Variants in ALCAM observed in about 807,000 individuals in gnomAD.
ALCAM encodes CD166 antigen.
A neutral mutation model predicts 70.9 loss-of-function variants in ALCAM; 30 were observed. The ratio of observed to expected loss-of-function variants is 0.42; its 90% confidence interval spans 0.32 to 0.57. ALCAM has a LOEUF of 0.57. Ranked by LOEUF, ALCAM falls within the 20% of genes least tolerant of loss-of-function variation. The probability of loss-of-function intolerance (pLI) is 0.11; values close to 1 mark genes in which losing one functional copy is unlikely to be tolerated. For missense variants in ALCAM, 591 were observed against 695.1 expected (o/e 0.85, Z 1.68); for synonymous variants, 249 against 242.5 (o/e 1.03, Z -0.25).
At chr3:105,545,601 C>A (rs944976851) in intron 9 of ALCAM, among the ~76,000 whole-genome samples, 1 of 151,388 alleles carries the variant, frequency 6.6e-6, no homozygotes, top group East Asian at 1.9e-4. Context: ...ACACACCACA[C>A]GCATGTGTGC....
chr3:105,575,736 G>A lies in ALCAM; in HGVS notation c.*1285G>A, dbSNP rs1318405328. The A allele has an allele frequency of 6.6e-6, 1 of 152,048 alleles. No individual in the cohort carries two copies. The highest frequency in any genetic ancestry group is 2.4e-5 in the African/African-American group (1 of 41,386). The allele number at this position is 152,048 out of a possible 1,614,324, so 9.4% of individuals were successfully genotyped here. ...AGACTTTTAAACTTTGCTCTTTCAA[G>A]CAGAAGCCTGGTTTCTGGGAGAACA... is the stretch of plus-strand genomic sequence containing the variant. On this transcript the variant is annotated 3_prime_UTR_variant, in exon 16 of 16. Coordinates refer to ENST00000306107, the MANE Select transcript of ALCAM (RefSeq NM_001627.4).
chr3:105,455,767 C>T (rs1218566939), intron 1 of ALCAM, among the ~76,000 whole-genome samples: 3 of 152,164 alleles, frequency 2.0e-5, no homozygotes, highest in Non-Finnish European at 4.4e-5. Flanking sequence ...TACCCTTTTC[C>T]GGGAAATTTC....
intron 1 of ALCAM, among the ~76,000 whole-genome samples, chr3:105,454,823 C>T (rs1412235504): frequency 1.3e-5 from 2 of 151,750 alleles, no homozygotes; most frequent in East Asian, 3.9e-4. Flanking sequence ...CACCACACCA[C>T]AGCGCCCAGC....
In ALCAM at chr3:105,534,771, C is replaced by A. The variant is rs1271704282; in HGVS notation, c.656C>A (p.Thr219Asn). The A allele has an allele frequency of 6.2e-7, 1 of 1,613,698 alleles. No individual in the cohort carries two copies. The highest frequency in any genetic ancestry group is 8.5e-7 in the Non-Finnish European group (1 of 1,179,826). Residue 219 changes from threonine (T) to asparagine (N), a missense_variant, in exon 6 of 16, where the codon ACC (threonine) becomes AAC (asparagine). Coordinates refer to ENST00000306107, the MANE Select transcript of ALCAM (RefSeq NM_001627.4). The part of the protein sequence containing the change: ...TTKADIQMPF[T>N]CSVTYYGPSG... The stretch of plus-strand genomic sequence containing the variant: ...AAGGCTGACATACAAATGCCATTCA[C>A]CTGCTCGGTGACATATTATGGACCA...
At chr3:105,491,006 G>T (rs540148863) in intron 1 of ALCAM, among the ~76,000 whole-genome samples, 2 of 152,328 alleles carry the variant, frequency 1.3e-5, no homozygotes, top group South Asian at 4.1e-4. Flanking sequence ...CCCCACCCTT[G>T]CAGTGAACTT....
chr3:105,393,080 G>A (rs1024493797), intron 1 of ALCAM, among the ~76,000 whole-genome samples: 3 of 151,772 alleles, frequency 2.0e-5, no homozygotes, highest in Admixed American at 1.3e-4. Context: ...TCATTTTTAT[G>A]TGTTGCTTGT....
intron 1 of ALCAM, among the ~76,000 whole-genome samples, chr3:105,374,846 C>T (rs893791277): frequency 6.6e-6 from 1 of 152,124 alleles, no homozygotes; most frequent in Non-Finnish European, 1.5e-5. Flanking sequence ...AGCCAGTTTA[C>T]AGTCAGAGGA....
Position 105,532,268 on chromosome 3 carries a change from T to TG in ALCAM, c.459+206dup, listed in dbSNP as rs1230452413. 2.0e-5 allele frequency among the ~76,000 whole-genome samples: 3 copies of TG among 151,988 alleles called. No homozygotes were observed. The East Asian group carries it at 5.8e-4, about 29-fold the overall frequency. On this transcript the variant is annotated intron_variant, in intron 4 of 15. Transcript: ENST00000306107. ...GTAACCATGAGGACATCAAGGAAGG[T>TG]GGGGTCATTTCTGAAAAGAGGAGTC...
intron 1 of ALCAM, among the ~76,000 whole-genome samples, chr3:105,451,947 CAGGGT>C (rs1308986073): frequency 6.6e-6 from 1 of 152,148 alleles, no homozygotes; most frequent in Non-Finnish European, 1.5e-5. Context: ...TGGCTTATCT[CAGGGT>C]AGTCCTTGAT....
At chr3:105,426,634 C>G (rs943846992) in intron 1 of ALCAM, among the ~76,000 whole-genome samples, 1 of 151,816 alleles carries the variant, frequency 6.6e-6, no homozygotes, top group Admixed American at 6.6e-5. Flanking sequence ...GATTTGTACT[C>G]GTTGACAAAT....
At chr3:105,563,422 A>G (rs1401492964) in intron 14 of ALCAM, among the ~76,000 whole-genome samples, 1 of 151,040 alleles carries the variant, frequency 6.6e-6, no homozygotes, top group Non-Finnish European at 1.5e-5. Flanking sequence ...TATCATTACT[A>G]CTTTTTTCTT....
intron 1 of ALCAM, among the ~76,000 whole-genome samples, chr3:105,469,367 A>T (rs1225967800): frequency 1.3e-5 from 2 of 151,022 alleles, no homozygotes; most frequent in Admixed American, 1.3e-4. Flanking sequence ...TCTCCCTCCA[A>T]TTCTCTCTTT....
rs542412498 is a variant in ALCAM at position 105,386,938 on chromosome 3, C to G, written c.73+19457C>G. Among the ~76,000 whole-genome samples the G allele has an allele frequency of 9.2e-5, 14 of 151,444 alleles. No homozygotes were observed. The Admixed American group carries it at 9.2e-4, about 10-fold the overall frequency. ...ATCAAAGGTTACATGAGCAAATTAC[C>G]CAATAAATGTTATTTTTCCAATAGT... On this transcript the variant is annotated intron_variant, in intron 1 of 15. Transcript: ENST00000306107.
At chr3:105,413,956 C>G (rs1304637883) in intron 1 of ALCAM, among the ~76,000 whole-genome samples, 1 of 152,012 alleles carries the variant, frequency 6.6e-6, no homozygotes, top group Non-Finnish European at 1.5e-5. Flanking sequence ...TTAATGCCTA[C>G]TATATGCAAA....
intron 1 of ALCAM, among the ~76,000 whole-genome samples, chr3:105,382,194 GT>G (rs1322699822): frequency 6.6e-6 from 1 of 150,586 alleles, no homozygotes; most frequent in Non-Finnish European, 1.5e-5. Context: ...GCAGTGTTTG[GT>G]TTTTTGTCCT....
chr3:105,497,204 G>A (rs1399799208), intron 1 of ALCAM, among the ~76,000 whole-genome samples: 1 of 151,998 alleles, frequency 6.6e-6, no homozygotes, highest in Non-Finnish European at 1.5e-5. Flanking sequence ...ATTTTTAAAA[G>A]GTCACAGAAT....
At chr3:105,502,467 G>C (rs771255231) in intron 1 of ALCAM, among the ~76,000 whole-genome samples, 8 of 152,152 alleles carry the variant, frequency 5.3e-5, no homozygotes, top group Non-Finnish European at 1.0e-4. Flanking sequence ...CCAGAGCCGG[G>C]GCATTTGAGG....
chr3:105,439,747 G>C (rs1937130580), intron 1 of ALCAM, among the ~76,000 whole-genome samples: 1 of 152,180 alleles, frequency 6.6e-6, no homozygotes, highest in South Asian at 2.1e-4. Context: ...TCAATCTCAA[G>C]GCAGAGGGAG....
At chr3:105,527,518 G>T (rs940465608) in intron 3 of ALCAM, among the ~76,000 whole-genome samples, 2 of 151,904 alleles carry the variant, frequency 1.3e-5, no homozygotes, top group Admixed American at 1.3e-4. Flanking sequence ...GTTGAGGAAG[G>T]TAAGGAGCTA....
Sources: allele counts gnomAD v4.1 joint callset (sites outside exome capture counted in the v4.1 genomes callset), GRCh38; gene constraint gnomAD v4.1.1; transcripts MANE v1.5; gene names NCBI Gene and HGNC (gene_info 2026-07-23, HGNC 2026-07-21).